The following STAM variants were observed in gnomAD, a reference collection of about 807,000 sequenced individuals.
STAM encodes signal transducing adapter molecule 1.
Under a neutral mutation model 63.4 loss-of-function variants are expected in STAM, and 16 were observed. That is an observed-to-expected ratio of 0.25 (90% confidence interval 0.17 to 0.38). The LOEUF (loss-of-function observed/expected upper bound fraction) is 0.38, where lower values mean the gene tolerates loss of function less well. Among genes scored for constraint, STAM ranks in the 10% least tolerant of loss-of-function variants. The probability of loss-of-function intolerance (pLI) is 1.00; values close to 1 mark genes in which losing one functional copy is unlikely to be tolerated. For missense variants in STAM, 636 were observed against 657.1 expected (o/e 0.97, Z 0.35); for synonymous variants, 238 against 223.9 (o/e 1.06, Z -0.56).
intron 13 of STAM, among the ~76,000 whole-genome samples, chr10:17,710,706 C>G (rs1401728833): frequency 2.0e-5 from 3 of 152,274 alleles, no homozygotes; most frequent in Admixed American, 2.0e-4. Flanking sequence ...CTGGCACTGT[C>G]TTTCACCTCT....
chr10:17,680,177 TTGAGA>T (rs1415738632), intron 2 of STAM, among the ~76,000 whole-genome samples: 2 of 152,184 alleles, frequency 1.3e-5, no homozygotes, highest in Admixed American at 1.3e-4. Context: ...GGTTATTGAT[TTGAGA>T]TCTTTTTCCC....
At chr10:17,683,562 G>A (rs1465065451) in intron 2 of STAM, among the ~76,000 whole-genome samples, 1 of 151,894 alleles carries the variant, frequency 6.6e-6, no homozygotes, top group Non-Finnish European at 1.5e-5. Context: ...GGTACTTTCA[G>A]CATATTTTCA....
Position 17,693,334 on chromosome 10 carries a change from G to A in STAM, c.535+22G>A, listed in dbSNP as rs188282572. On this transcript the variant is annotated intron_variant, in intron 6 of 13. Transcript: ENST00000377524. ...AAAGGTGCGTTTTTAAGTCCCTGATGGTGGGAATAACATAAGCCTTTATTT... is the reference window on the plus strand; with the variant it reads ...AAAGGTGCGTTTTTAAGTCCCTGATAGTGGGAATAACATAAGCCTTTATTT... 9.6e-6 allele frequency: 15 copies of A among 1,567,876 alleles called. No homozygotes were observed. The African/African-American group carries it at 1.6e-4, about 17-fold the overall frequency.
Position 17,644,531 on chromosome 10 carries a change from G to T in STAM, c.40+152G>T, listed in dbSNP as rs1273897359. On this transcript the variant is annotated intron_variant, in intron 1 of 13. Transcript: ENST00000377524. Reference sequence around the variant, plus strand: ...CTCCCTCCTTCAGAGCTGGGAGGAGGTTGAGGGCTTGGCGCATCCTCTTTG... The same window carrying T: ...CTCCCTCCTTCAGAGCTGGGAGGAGTTTGAGGGCTTGGCGCATCCTCTTTG... 4.3e-6 allele frequency: 4 copies of T among 922,186 alleles called. No homozygotes were observed. In the African/African-American group the frequency reaches 6.7e-5, roughly 15 times the overall value. The allele number at this position is 922,186 out of a possible 1,614,324, so 57.1% of individuals were successfully genotyped here.
At chr10:17,645,622 A>C (rs1231630098) in intron 1 of STAM, among the ~76,000 whole-genome samples, 1 of 152,132 alleles carries the variant, frequency 6.6e-6, no homozygotes, top group African/African-American at 2.4e-5. Context: ...ACTAGATGCT[A>C]CCTTTTTTGT....
At chr10:17,656,893 A>T (rs1229600163) in intron 1 of STAM, among the ~76,000 whole-genome samples, 1 of 152,178 alleles carries the variant, frequency 6.6e-6, no homozygotes, top group Non-Finnish European at 1.5e-5. Flanking sequence ...TTGAAGAGTA[A>T]GTGCGGTTTT....
At position 17,704,472 on chromosome 10, in the gene STAM, C is replaced by T; in HGVS notation, c.954C>T (p.Asp318=). 6.2e-7 allele frequency: 1 copy of T among 1,614,052 alleles called. No homozygotes were observed. The highest frequency in any genetic ancestry group is 8.5e-7 in the Non-Finnish European group (1 of 1,179,996). The change falls in exon 10 of 14, where the codon GAC becomes GAT. Residue 318 remains aspartate, a synonymous_variant. Transcript: ENST00000377524. ...DQLLQMLQST[D]PSDDQPDLPE... ...TGCTACAGATGCTGCAAAGTACAGACCCCAGTGATGATCAGCCAGACCTAC... is the reference window on the plus strand; with the variant it reads ...TGCTACAGATGCTGCAAAGTACAGATCCCAGTGATGATCAGCCAGACCTAC...
At chr10:17,664,213 G>T (rs1554823177) in intron 2 of STAM, among the ~76,000 whole-genome samples, 1 of 151,948 alleles carries the variant, frequency 6.6e-6, no homozygotes. Flanking sequence ...GTTTCTTTCA[G>T]GTGAGCACTA....
chr10:17,704,860 T>C (rs1267927943), intron 10 of STAM, 110 bp from the exon 11 acceptor site: 1 of 951,586 alleles, frequency 1.1e-6, no homozygotes, highest in East Asian at 2.7e-5. Context: ...TGTATATTTT[T>C]ATTACTCCAA....
At chr10:17,704,912 A>G (rs1836186503) in intron 10 of STAM, 58 bp from the exon 11 acceptor site, 2 of 1,354,070 alleles carry the variant, frequency 1.5e-6, no homozygotes, top group East Asian at 4.6e-5. Flanking sequence ...TATCTATCAA[A>G]GGTTCACATT....
intron 2 of STAM, among the ~76,000 whole-genome samples, chr10:17,674,950 C>T (rs1325748118): frequency 6.6e-6 from 1 of 152,130 alleles, no homozygotes; most frequent in Admixed American, 6.5e-5. Flanking sequence ...AATGGAATGA[C>T]AAAATGTGAT....
intron 2 of STAM, among the ~76,000 whole-genome samples, chr10:17,678,399 C>T (rs1834942462): frequency 6.6e-6 from 1 of 152,048 alleles, no homozygotes; most frequent in African/African-American, 2.4e-5. Context: ...GGATGGGGTA[C>T]ATGCCACTGT....
intron 6 of STAM, 105 bp from the exon 7 acceptor site, chr10:17,694,944 A>C: frequency 1.9e-6 from 2 of 1,039,338 alleles, no homozygotes; most frequent in Non-Finnish European, 2.8e-6. Flanking sequence ...GTTTCTAACT[A>C]TACTATTGAA....
chr10:17,700,291 C>T lies in STAM; in HGVS notation c.912+12C>T. On this transcript the variant is annotated intron_variant, in intron 9 of 13. Coordinates refer to ENST00000377524, the MANE Select transcript of STAM (RefSeq NM_003473.4). ...CCTTTATTGATGAAGTAAGTGGTTT[C>T]CATGGTGATAGGAGTTGGTACTTTG... The T allele has an allele frequency of 6.3e-7, 1 of 1,590,166 alleles. No individual in the cohort carries two copies.
chr10:17,700,953 G>A (rs61842349), intron 9 of STAM, among the ~76,000 whole-genome samples: 2,920 of 152,246 alleles, frequency 0.019, 30 homozygotes, highest in Middle Eastern at 0.027. Flanking sequence ...TCCTCCTTGT[G>A]TTGAACACTT....
intron 8 of STAM, among the ~76,000 whole-genome samples, chr10:17,699,557 A>G (rs569526884): frequency 4.6e-4 from 70 of 152,360 alleles, no homozygotes; most frequent in African/African-American, 1.5e-3. Flanking sequence ...TGATCCCTCA[A>G]TGACCACTTT....
chr10:17,680,829 T>C (rs1835056637), intron 2 of STAM, among the ~76,000 whole-genome samples: 1 of 152,210 alleles, frequency 6.6e-6, no homozygotes, highest in African/African-American at 2.4e-5. Flanking sequence ...GCGTATTCCA[T>C]GTATGTATGT....
At chr10:17,684,191 A>G (rs1554825813) in intron 2 of STAM, among the ~76,000 whole-genome samples, 1 of 152,204 alleles carries the variant, frequency 6.6e-6, no homozygotes, top group African/African-American at 2.4e-5. Flanking sequence ...ATACTTGGAA[A>G]GTGCCTCTAG....
intron 1 of STAM, among the ~76,000 whole-genome samples, chr10:17,659,486 A>T (rs1350072888): frequency 4.2e-4 from 15 of 35,934 alleles, no homozygotes; most frequent in Middle Eastern, 0.016. Context: ...TTTTTTTTTT[A>T]AAGAGATAGG....
Sources: allele counts gnomAD v4.1 joint callset (sites outside exome capture counted in the v4.1 genomes callset), GRCh38; gene constraint gnomAD v4.1.1; transcripts MANE v1.5; gene names NCBI Gene and HGNC (gene_info 2026-07-23, HGNC 2026-07-21).